Variants in PLEKHG1 observed in about 807,000 individuals in gnomAD.
The protein encoded by PLEKHG1 is pleckstrin homology and RhoGEF domain containing G1.
PLEKHG1 carries 44 observed loss-of-function variants against 100.8 expected under a neutral mutation model. The ratio of observed to expected loss-of-function variants is 0.44; its 90% CI spans 0.34 to 0.56. PLEKHG1 has a LOEUF of 0.56. Among genes scored for constraint, PLEKHG1 ranks in the 20% least tolerant of loss-of-function variants. The pLI is 0.01. For synonymous variants in PLEKHG1, 640 were observed against 662.5 expected, an observed-to-expected ratio of 0.97 and a Z score of 0.52; for missense variants, 1,545 against 1,720.9, an observed-to-expected ratio of 0.90 and a Z score of 1.81.
chr6:150,635,714 G>A (rs750890037), intron 1 of PLEKHG1, among the ~76,000 whole-genome samples: 3 of 152,206 alleles, frequency 2.0e-5, no homozygotes, highest in South Asian at 4.1e-4. Flanking sequence ...TTTTCAGGGA[G>A]CATAAATAAA....
At chr6:150,641,600 A>T (rs1778260858) in intron 2 of PLEKHG1, among the ~76,000 whole-genome samples, 1 of 152,182 alleles carries the variant, frequency 6.6e-6, no homozygotes, top group South Asian at 2.1e-4. Context: ...AAAATGGTCC[A>T]TGTTAGCAAA....
intron 3 of PLEKHG1, among the ~76,000 whole-genome samples, chr6:150,696,941 C>A (rs1310792721): frequency 4.6e-5 from 7 of 151,968 alleles, no homozygotes; most frequent in Non-Finnish European, 7.4e-5. Context: ...AACCCCATCT[C>A]TACTAAAAAT....
At chr6:150,824,656 A>G (rs889827700) in intron 14 of PLEKHG1, among the ~76,000 whole-genome samples, 2 of 151,582 alleles carry the variant, frequency 1.3e-5, no homozygotes, top group African/African-American at 4.8e-5. Context: ...CAAGTAGCCT[A>G]GTAGCTTGGA....
chr6:150,727,025 A>G (rs1401163625), intron 1 of PLEKHG1, among the ~76,000 whole-genome samples: 1 of 152,216 alleles, frequency 6.6e-6, no homozygotes, highest in South Asian at 2.1e-4. Context: ...TAGAGTAACT[A>G]TTTCTGTATA....
At chr6:150,771,809 A>G (rs1340244964) in intron 3 of PLEKHG1, among the ~76,000 whole-genome samples, 1 of 152,206 alleles carries the variant, frequency 6.6e-6, no homozygotes, top group African/African-American at 2.4e-5. Context: ...TAAAGAGGGC[A>G]TAAAGAAATG....
At chr6:150,734,084 A>G in exon 2 of PLEKHG1, 3 of 1,609,134 alleles carry the variant, frequency 1.9e-6, no homozygotes, top group Non-Finnish European at 1.7e-6. Context: ...TTTAAAAAGC[A>G]TCGTAGAGGT....
intron 1 of PLEKHG1, among the ~76,000 whole-genome samples, chr6:150,732,614 A>G (rs957319342): frequency 1.3e-5 from 2 of 152,206 alleles, no homozygotes; most frequent in East Asian, 1.9e-4. Flanking sequence ...ACTGTCATAC[A>G]TGCTGTTTGT....
chr6:150,821,633 G>A (rs1339312207), intron 13 of PLEKHG1, among the ~76,000 whole-genome samples: 2 of 151,848 alleles, frequency 1.3e-5, no homozygotes, highest in South Asian at 2.1e-4. Context: ...GCAGTGAGCC[G>A]AGATCACGCC....
chr6:150,706,784 A>G (rs1436926594), intron 3 of PLEKHG1, among the ~76,000 whole-genome samples: 1 of 151,956 alleles, frequency 6.6e-6, no homozygotes, highest in Non-Finnish European at 1.5e-5. Context: ...AGGATAAGAT[A>G]CTTTGAATAT....
At chr6:150,742,470 C>A (rs187626988) in intron 2 of PLEKHG1, among the ~76,000 whole-genome samples, 1 of 143,620 alleles carries the variant, frequency 7.0e-6, no homozygotes, top group African/African-American at 2.6e-5. Context: ...GAGACTGAGG[C>A]GGGAGAATCA....
chr6:150,761,099 C>CTTTTTTT (rs35068801), intron 2 of PLEKHG1, among the ~76,000 whole-genome samples: 115 of 95,884 alleles, frequency 1.2e-3, no homozygotes, highest in African/African-American at 1.6e-3. Flanking sequence ...TTCTTTTTTT[C>CTTTTTTT]TTTTTTTTTT....
rs758964027 is a variant in PLEKHG1 at position 150,831,367 on chromosome 6, G to T, written c.2256G>T (p.Ser752=). ...CCATAGGGCTCCCAGATCCTCCGTC[G>T]CTGGGTTTTAAGTGCAGCAGCCTAA... The change falls in exon 15 of 16, where the codon TCG becomes TCT. Residue 752 remains serine (S), a synonymous_variant. Transcript: ENST00000358517. This position sits in a 1 kb window ranked among gnomAD's most constrained non-coding sequence, Gnocchi z 4.1. 5 of 1,614,048 alleles carry T rather than the reference G, an allele frequency of 3.1e-6. No individual in the cohort carries two copies. The highest frequency in any genetic ancestry group is 1.1e-5 in the South Asian group (1 of 91,066).
exon 1 of PLEKHG1, chr6:150,599,890 T>TGAGCCCGAGCCCGAGCCC (rs1029383950): frequency 4.7e-4 from 86 of 181,768 alleles, no homozygotes; most frequent in African/African-American, 1.9e-3. Context: ...AGCCCGAGCC[T>TGAGCCCGAGCCCGAGCCC]GAGCCCGAGC....
chr6:150,714,766 T>A (rs186619320), intron 3 of PLEKHG1, among the ~76,000 whole-genome samples: 9 of 152,290 alleles, frequency 5.9e-5, no homozygotes, highest in Admixed American at 3.3e-4. Flanking sequence ...TCTTCTATAC[T>A]TGAGTGCTTT....
chr6:150,797,822 A>G (rs1270901392), intron 5 of PLEKHG1, among the ~76,000 whole-genome samples: 1 of 131,478 alleles, frequency 7.6e-6, no homozygotes, highest in Non-Finnish European at 1.6e-5. Flanking sequence ...GCAACAGAGC[A>G]AGACTCTGTC....
At chr6:150,648,779 G>C (rs1172847229) in intron 2 of PLEKHG1, among the ~76,000 whole-genome samples, 1 of 152,050 alleles carries the variant, frequency 6.6e-6, no homozygotes, top group Admixed American at 6.5e-5. Context: ...TGTATTAGTT[G>C]TTTAGCCTTT....
intron 3 of PLEKHG1, among the ~76,000 whole-genome samples, chr6:150,687,149 G>A (rs1256182267): frequency 6.6e-6 from 1 of 152,098 alleles, no homozygotes; most frequent in South Asian, 2.1e-4. Context: ...TTTTACTTGT[G>A]GGAGGTCTAT....
chr6:150,628,609 A>G (rs1003152726), intron 1 of PLEKHG1, among the ~76,000 whole-genome samples: 1 of 137,334 alleles, frequency 7.3e-6, no homozygotes, highest in East Asian at 2.2e-4. Context: ...TGAACCCTCT[A>G]TATCTGGATT....
intron 2 of PLEKHG1, among the ~76,000 whole-genome samples, chr6:150,761,397 T>A (rs972461876): frequency 6.6e-6 from 1 of 152,090 alleles, no homozygotes; most frequent in Non-Finnish European, 1.5e-5. Flanking sequence ...AACCTCCACC[T>A]CCCAGGTTCA....
Sources: allele counts gnomAD v4.1 joint callset (sites outside exome capture counted in the v4.1 genomes callset), GRCh38; gene constraint gnomAD v4.1.1; non-coding constraint Gnocchi (gnomAD v3.1); transcripts MANE v1.5; gene names NCBI Gene and HGNC (gene_info 2026-07-23, HGNC 2026-07-21).